The following RAB3B variants were observed in gnomAD, a reference collection of about 807,000 sequenced individuals.
The protein encoded by RAB3B is ras-related protein Rab-3B.
In RAB3B, 11 loss-of-function variants were observed where a neutral mutation model predicts 20.5. That is an observed-to-expected ratio of 0.54 (90% CI 0.34 to 0.89). RAB3B has a LOEUF of 0.89. Among genes scored for constraint, RAB3B ranks in the 40% least tolerant of loss-of-function variants. The pLI is 0.02. For synonymous variants in RAB3B, 99 were observed against 106.3 expected, an observed-to-expected ratio of 0.93 and a Z score of 0.42; for missense variants, 225 against 280.9, an observed-to-expected ratio of 0.80 and a Z score of 1.42.
chr1:51,943,350 C>T (rs1201438106), intron 2 of RAB3B, among the ~76,000 whole-genome samples: 1 of 152,058 alleles, frequency 6.6e-6, no homozygotes, highest in African/African-American at 2.4e-5. Context: ...CACCACTGCA[C>T]TCCAGCCTGG....
intron 4 of RAB3B, among the ~76,000 whole-genome samples, chr1:51,922,784 C>T (rs1366667387): frequency 6.6e-6 from 1 of 151,976 alleles, no homozygotes; most frequent in Admixed American, 6.6e-5. Flanking sequence ...GCAACCTCTG[C>T]CTCCCGGGTT....
chr1:51,982,972 C>T (rs545850751), intron 1 of RAB3B, among the ~76,000 whole-genome samples: 1 of 152,262 alleles, frequency 6.6e-6, no homozygotes, highest in South Asian at 2.1e-4. Flanking sequence ...TCACCACTCA[C>T]TCACTGACTC....
At chr1:51,958,371 A>T (rs138762879) in intron 2 of RAB3B, among the ~76,000 whole-genome samples, 43 of 152,264 alleles carry the variant, frequency 2.8e-4, no homozygotes, top group African/African-American at 4.1e-4. Context: ...TCTCATATGT[A>T]TCAGATGATC....
chr1:51,981,673 G>A (rs1175494458), intron 1 of RAB3B, among the ~76,000 whole-genome samples: 1 of 151,968 alleles, frequency 6.6e-6, no homozygotes, highest in Non-Finnish European at 1.5e-5. Flanking sequence ...ATCATGAACT[G>A]CATAACAACA....
At chr1:51,931,386 T>C (rs1036802141) in intron 4 of RAB3B, among the ~76,000 whole-genome samples, 3 of 152,192 alleles carry the variant, frequency 2.0e-5, no homozygotes, top group South Asian at 2.1e-4. Context: ...CCCTGACCAA[T>C]TGGACTATGA....
rs1196465465 is a variant in RAB3B at position 51,917,851 on chromosome 1, G to A, written c.*2076C>T. On this transcript the variant is annotated 3_prime_UTR_variant, in exon 5 of 5. Coordinates refer to ENST00000371655, the MANE Select transcript of RAB3B (RefSeq NM_002867.4). The stretch of plus-strand genomic sequence containing the variant: ...TTACAGGTGTGAGCCACAGCTGGAT[G>A]GTCCTTTTATTTAGTCATTGGACTG... 2 of 152,160 alleles carry A rather than the reference G, an allele frequency of 1.3e-5. No individual in the cohort carries two copies. The highest frequency in any genetic ancestry group is 4.8e-5 in the African/African-American group (2 of 41,434). 9.4% of individuals were successfully genotyped at this position (152,160 alleles called of 1,614,324 possible).
chr1:51,980,466 C>T, intron 1 of RAB3B: 1 of 651,558 alleles, frequency 1.5e-6, no homozygotes, highest in Non-Finnish European at 2.8e-6. Flanking sequence ...CAGTCCATGC[C>T]TCCAAGATGA....
intron 2 of RAB3B, among the ~76,000 whole-genome samples, chr1:51,966,586 C>G (rs1262748026): frequency 1.3e-5 from 2 of 152,134 alleles, no homozygotes; most frequent in Non-Finnish European, 2.9e-5. Flanking sequence ...GCCAACTAAG[C>G]CTGATTTGAC....
At chr1:51,966,672 G>A (rs1684856508) in intron 2 of RAB3B, among the ~76,000 whole-genome samples, 1 of 152,140 alleles carries the variant, frequency 6.6e-6, no homozygotes, top group Admixed American at 6.5e-5. Flanking sequence ...ACAGGCTTTG[G>A]GGAGATAAAA....
chr1:51,943,989 A>G (rs577707769), intron 2 of RAB3B, among the ~76,000 whole-genome samples: 17 of 152,378 alleles, frequency 1.1e-4, no homozygotes, highest in African/African-American at 4.1e-4. Flanking sequence ...TTTTCAATGT[A>G]GACAAAACAG....
Position 51,976,871 on chromosome 1 carries a change from C to T in RAB3B, c.228+19G>A, listed in dbSNP as rs3737582. On this transcript the variant is annotated intron_variant, in intron 2 of 4. Transcript: ENST00000371655. Reference sequence around the variant, plus strand: ...AGCCGCTTCTCAGGAAAATCCTGCCCAAGATTCCCGGGACTCACCCAGATC... The same window carrying T: ...AGCCGCTTCTCAGGAAAATCCTGCCTAAGATTCCCGGGACTCACCCAGATC... The T allele has an allele frequency of 1.2e-6, 2 of 1,608,762 alleles. No individual in the cohort carries two copies. Among genetic ancestry groups the T allele is most frequent in the East Asian group, 4.5e-5 (2 of 44,838 alleles).
At chr1:51,951,707 A>G (rs1684644759) in intron 2 of RAB3B, among the ~76,000 whole-genome samples, 1 of 152,144 alleles carries the variant, frequency 6.6e-6, no homozygotes, top group South Asian at 2.1e-4. Context: ...TCAGCTACTC[A>G]GGAGCCTGAG....
intron 2 of RAB3B, among the ~76,000 whole-genome samples, chr1:51,941,573 G>A (rs556574365): frequency 1.4e-4 from 21 of 152,312 alleles, no homozygotes; most frequent in South Asian, 8.3e-4. Flanking sequence ...GATTAGATGT[G>A]AAGAGAAGAA....
intron 2 of RAB3B, among the ~76,000 whole-genome samples, chr1:51,942,387 A>G (rs1684506302): frequency 6.6e-6 from 1 of 152,222 alleles, no homozygotes; most frequent in African/African-American, 2.4e-5. Context: ...TTGGACATGG[A>G]GTCAGTTTTA....
chr1:51,920,080 G>T lies in RAB3B; in HGVS notation c.507C>A (p.Asn169Lys). ...GCTCAAAGGCCTGCCTTACACTGAT[G>T]TTCTCCTTTGCACTGGCTTCAAAGA... ...FDFFEASAKE[N>K]ISVRQAFERL... is the part of the protein sequence containing the mutation. Residue 169 changes from asparagine (N) to lysine (K), a missense_variant, in exon 5 of 5, where the codon AAC (asparagine) becomes AAA (lysine). Transcript: ENST00000371655. 1 of 1,613,864 alleles carries T rather than the reference G, an allele frequency of 6.2e-7. No homozygotes were observed. The highest frequency in any genetic ancestry group is 8.5e-7 in the Non-Finnish European group (1 of 1,179,842).
rs1434332697 is a variant in RAB3B, at chr1:51,912,487, C to T, written c.*7440G>A. 5.0e-5 allele frequency: 7 copies of T among 139,250 alleles called. No individual in the cohort carries two copies. Among genetic ancestry groups the T allele is most frequent in the African/African-American group, 1.4e-4 (5 of 36,804 alleles). The allele number at this position is 139,250 out of a possible 1,614,324, so 8.6% of individuals were successfully genotyped here. The stretch of plus-strand genomic sequence containing the variant: ...ACTCAGGAGGCCAAGGCAAGAGGAT[C>T]GCTTGAGGCCAGAATTTGAAACCAG... On this transcript the variant is annotated 3_prime_UTR_variant, in exon 5 of 5. Coordinates refer to ENST00000371655, the MANE Select transcript of RAB3B (RefSeq NM_002867.4).
chr1:51,989,096 T>TGCGCGC (rs201916237), intron 1 of RAB3B, among the ~76,000 whole-genome samples: 2 of 33,066 alleles, frequency 6.0e-5, no homozygotes, highest in African/African-American at 1.5e-4. Context: ...CACCCACCTG[T>TGCGCGC]GCGCGCGCAC....
intron 4 of RAB3B, among the ~76,000 whole-genome samples, chr1:51,924,765 C>A (rs958614647): frequency 1.3e-5 from 2 of 152,164 alleles, no homozygotes; most frequent in Non-Finnish European, 2.9e-5. Context: ...CAAATGCACC[C>A]CACCCAATTA....
At chr1:51,955,585 A>G (rs1187249807) in intron 2 of RAB3B, among the ~76,000 whole-genome samples, 1 of 152,078 alleles carries the variant, frequency 6.6e-6, no homozygotes, top group Admixed American at 6.5e-5. Flanking sequence ...TTTTTAGTAG[A>G]GACAGGGTTT....
Sources: gnomAD v4.1 joint callset for allele counts (sites outside exome capture counted in the v4.1 genomes callset) on GRCh38, gnomAD v4.1.1 for gene constraint, MANE v1.5 for transcripts, NCBI Gene and HGNC (gene_info 2026-07-23, HGNC 2026-07-21) for gene names.